Variants in CDR2 observed in about 807,000 individuals in gnomAD.
CDR2 encodes cerebellar degeneration related protein 2, also known as cerebellar degeneration-related protein 2.
Under a neutral mutation model 48.4 loss-of-function variants are expected in CDR2, and 34 were observed. The observed-to-expected ratio is 0.70, with a 90% CI of 0.53 to 0.94. CDR2 has a LOEUF of 0.94. CDR2 is among the 40% of genes least tolerant of loss of function. The pLI is 0.00. For missense variants in CDR2, 498 were observed against 549.5 expected, an observed-to-expected ratio of 0.91 and a Z score of 0.94; for synonymous variants, 240 against 219.7, an observed-to-expected ratio of 1.09 and a Z score of -0.82.
chr16:22,347,875 C>A (rs754869779), intron 4 of CDR2, 52 bp from the exon 5 acceptor site: 2 of 1,485,954 alleles, frequency 1.3e-6, no homozygotes, highest in African/African-American at 2.8e-5. Context: ...CTGAAAATGA[C>A]GAGAGGAAGA....
chr16:22,373,413 G>A (rs2049091868), intron 1 of CDR2, among the ~76,000 whole-genome samples: 1 of 152,226 alleles, frequency 6.6e-6, no homozygotes, highest in Non-Finnish European at 1.5e-5. Context: ...GAAAAAAACT[G>A]TAAACTAGGA....
rs776564392 is a variant in CDR2, at chr16:22,347,222, C to T, written c.1108G>A (p.Glu370Lys). 2 of 1,614,092 alleles carry T rather than the reference C, an allele frequency of 1.2e-6. No homozygotes were observed. The highest frequency in any genetic ancestry group is 1.1e-5 in the South Asian group (1 of 91,082). Residue 370 changes from glutamate (E) to lysine (K), a missense_variant, in exon 5 of 5, where the codon GAA (glutamate) becomes AAA (lysine). Physicochemically the swap from Glu to Lys is moderately conservative, Grantham distance 56 (BLOSUM62 1). Transcript: ENST00000268383. ...YEELLKKCQE[E>K]QDSLSHKAVQ... Reference sequence around the variant, plus strand: ...GCCTTGTGTGACAGGGAGTCCTGTTCCTCTTGGCACTTCTTCAGCAACTCT... The same window carrying T: ...GCCTTGTGTGACAGGGAGTCCTGTTTCTCTTGGCACTTCTTCAGCAACTCT...
At position 22,346,822 on chromosome 16, in the gene CDR2, C is replaced by T. The variant is rs926090177; in HGVS notation, c.*143G>A. ...GATACCACTAGCCACCTCCTTTCCT[C>T]GTTGTATGCATTTGCTAAATAAGCA... is the stretch of plus-strand genomic sequence containing the variant. On this transcript the variant is annotated 3_prime_UTR_variant, in exon 5 of 5. Coordinates refer to ENST00000268383, the MANE Select transcript of CDR2 (RefSeq NM_001802.2). 9 of 880,720 alleles carry T rather than the reference C, an allele frequency of 1.0e-5. No individual in the cohort carries two copies. Among genetic ancestry groups the T allele is most frequent in the African/African-American group, 5.0e-5 (3 of 59,686 alleles). The allele number at this position is 880,720 out of a possible 1,614,324, so 54.6% of individuals were successfully genotyped here. A position where few individuals can be genotyped will look rare whatever the true frequency, so the allele number is the denominator to read the frequency against.
intron 3 of CDR2, 90 bp from the exon 4 acceptor site, chr16:22,349,533 C>T: frequency 1.4e-6 from 2 of 1,457,950 alleles, no homozygotes; most frequent in Non-Finnish European, 9.4e-7. Context: ...ACCACTCACA[C>T]TGGGCTTTCT....
rs1416528104 is a variant in CDR2, at chr16:22,346,540, GAT to G, written c.*423_*424del. ...TCACAGTATTCAAACTGTTTGCAAAGATATTTGAGTTTGACAGCCTTCTGACT... is the reference window on the plus strand; with the variant it reads ...TCACAGTATTCAAACTGTTTGCAAAGATTTGAGTTTGACAGCCTTCTGACT... On this transcript the variant is annotated 3_prime_UTR_variant, in exon 5 of 5. Coordinates refer to ENST00000268383, the MANE Select transcript of CDR2 (RefSeq NM_001802.2). The G allele has an allele frequency of 1.2e-5, 2 of 173,864 alleles. No individual in the cohort carries two copies. The highest frequency in any genetic ancestry group is 1.2e-5 in the Non-Finnish European group (1 of 80,216). 10.8% of individuals were successfully genotyped at this position (173,864 alleles called of 1,614,324 possible). A position where few individuals can be genotyped will look rare whatever the true frequency, so the allele number is the denominator to read the frequency against.
chr16:22,359,763 G>C (rs1309654028), intron 2 of CDR2, among the ~76,000 whole-genome samples: 1 of 152,158 alleles, frequency 6.6e-6, no homozygotes, highest in East Asian at 1.9e-4. Context: ...AAAATCTCCA[G>C]AGGTGGAAAC....
At chr16:22,371,848 A>ATGTATGTGTGTGTGTGTG (rs1188848345) in intron 1 of CDR2, among the ~76,000 whole-genome samples, 8 of 148,446 alleles carry the variant, frequency 5.4e-5, no homozygotes, top group African/African-American at 2.0e-4. Flanking sequence ...AGGTTCAGAT[A>ATGTATGTGTGTGTGTGTG]TGTGTGTGTG....
rs752512320 is a variant in CDR2 at position 22,364,880 on chromosome 16, A to T, written c.192+22T>A. The T allele has an allele frequency of 8.5e-6, 12 of 1,406,790 alleles. No homozygotes were observed. In the Admixed American group the frequency reaches 2.0e-4, roughly 24 times the overall value. 87.1% of individuals were successfully genotyped at this position (1,406,790 alleles called of 1,614,324 possible). A position where few individuals can be genotyped will look rare whatever the true frequency, so the allele number is the denominator to read the frequency against. On this transcript the variant is annotated intron_variant, in intron 2 of 4. Coordinates refer to ENST00000268383, the MANE Select transcript of CDR2 (RefSeq NM_001802.2). ...AACACATCGAAGTGTCAAAAGTGTA[A>T]CTCTCCTGCCAAGTGAATTACCTCA...
chr16:22,349,949 G>A, intron 2 of CDR2, 100 bp from the exon 3 acceptor site: 4 of 1,106,626 alleles, frequency 3.6e-6, no homozygotes, highest in Non-Finnish European at 5.3e-6. Context: ...AGCACTTTGG[G>A]AGGCCAAGAC....
intron 1 of CDR2, among the ~76,000 whole-genome samples, chr16:22,367,966 A>C (rs1384508093): frequency 4.6e-5 from 7 of 152,208 alleles, no homozygotes; most frequent in Non-Finnish European, 1.0e-4. Context: ...TCATGCCTAT[A>C]ATCCCAGCAT....
At chr16:22,363,086 G>A (rs1295569128) in intron 2 of CDR2, among the ~76,000 whole-genome samples, 3 of 151,816 alleles carry the variant, frequency 2.0e-5, no homozygotes, top group African/African-American at 4.8e-5. Flanking sequence ...CCAAGTAGCT[G>A]GGATTATGGG....
chr16:22,358,348 T>C (rs1239589603), intron 2 of CDR2, among the ~76,000 whole-genome samples: 1 of 152,128 alleles, frequency 6.6e-6, no homozygotes, highest in African/African-American at 2.4e-5. Context: ...GGCAAAAATG[T>C]CAACTTATAG....
chr16:22,357,364 T>C (rs1444593712), intron 2 of CDR2, among the ~76,000 whole-genome samples: 1 of 152,166 alleles, frequency 6.6e-6, no homozygotes, highest in Non-Finnish European at 1.5e-5. Flanking sequence ...TGTAGTCTTC[T>C]AAGAATGGAA....
chr16:22,371,942 G>C (rs946468666), intron 1 of CDR2, among the ~76,000 whole-genome samples: 2 of 151,852 alleles, frequency 1.3e-5, no homozygotes, highest in African/African-American at 4.8e-5. Flanking sequence ...CACGATCTCA[G>C]CTCACTGCAA....
chr16:22,364,088 C>T (rs1023862932), intron 2 of CDR2, among the ~76,000 whole-genome samples: 11 of 152,096 alleles, frequency 7.2e-5, no homozygotes, highest in Non-Finnish European at 1.3e-4. Flanking sequence ...TACAGGCACA[C>T]GCCACCACAC....
At chr16:22,363,869 G>A (rs1340248679) in intron 2 of CDR2, among the ~76,000 whole-genome samples, 1 of 152,146 alleles carries the variant, frequency 6.6e-6, no homozygotes, top group African/African-American at 2.4e-5. Context: ...GCAGCATAGA[G>A]GGCCATTTTA....
At chr16:22,370,978 C>A (rs545276773) in intron 1 of CDR2, among the ~76,000 whole-genome samples, 1 of 152,216 alleles carries the variant, frequency 6.6e-6, no homozygotes, top group African/African-American at 2.4e-5. Context: ...TTTGGGAGGC[C>A]GAGGCGGGTA....
chr16:22,364,973 G>A lies in CDR2; in HGVS notation c.121C>T (p.Arg41Trp), dbSNP rs763540617. Residue 41 changes from arginine (R) to tryptophan (W), a missense_variant, in exon 2 of 5, where the codon CGG becomes TGG. Physicochemically the swap from Arg to Trp is moderately radical, Grantham distance 101. Transcript: ENST00000268383. ...AAELGKTLLDRNTELEDSVQQ... is the reference protein window; with the variant it reads ...AAELGKTLLDWNTELEDSVQQ... Reference sequence around the variant, plus strand: ...ACAGAGTCCTCCAACTCTGTGTTCCGATCCAGTAATGTCTTCCCAAGCTCA... The same window carrying A: ...ACAGAGTCCTCCAACTCTGTGTTCCAATCCAGTAATGTCTTCCCAAGCTCA... 8 of 1,613,500 alleles carry A rather than the reference G, an allele frequency of 5.0e-6. No homozygotes were observed. Among genetic ancestry groups the A allele is most frequent in the East Asian group, 2.2e-5 (1 of 44,872 alleles).
intron 4 of CDR2, 77 bp from the exon 5 acceptor site, chr16:22,347,900 T>C: frequency 2.9e-6 from 4 of 1,366,216 alleles, no homozygotes; most frequent in Middle Eastern, 1.9e-4. Context: ...TGATTTTTTT[T>C]CAACTAAATA....
Sources: allele counts gnomAD v4.1 joint callset (sites outside exome capture counted in the v4.1 genomes callset), GRCh38; gene constraint gnomAD v4.1.1; transcripts MANE v1.5; gene names NCBI Gene and HGNC (gene_info 2026-07-23, HGNC 2026-07-21).